ABCB1: variants seen among roughly 807,000 people sequenced by gnomAD.
The protein encoded by ABCB1 is ATP-dependent translocase ABCB1.
A neutral mutation model predicts 142.0 loss-of-function variants in ABCB1; 69 were observed. The observed-to-expected ratio is 0.49, with a 90% CI of 0.40 to 0.59. The LOEUF (loss-of-function observed/expected upper bound fraction) is 0.59, where lower values mean the gene tolerates loss of function less well. Ranked by LOEUF, ABCB1 falls within the 20% of genes least tolerant of loss-of-function variation. ABCB1 has a pLI of 0.00. For synonymous variants in ABCB1, 532 were observed against 539.2 expected, an observed-to-expected ratio of 0.99 and a Z score of 0.18; for missense variants, 1,326 against 1,554.7, an observed-to-expected ratio of 0.85 and a Z score of 2.47.
intron 1 of ABCB1, among the ~76,000 whole-genome samples, chr7:87,678,992 T>C (rs1320105638): frequency 6.6e-6 from 1 of 151,762 alleles, no homozygotes; most frequent in Non-Finnish European, 1.5e-5. Context: ...TCAACACTCC[T>C]CTCATAATAG....
chr7:87,595,855 A>G, intron 2 of ABCB1, 41 bp from the exon 3 acceptor site: 2 of 1,526,228 alleles, frequency 1.3e-6, no homozygotes, highest in Non-Finnish European at 9.1e-7. Context: ...TTTAAAAAGT[A>G]CATATTTTTT....
chr7:87,605,567 G>A (rs569224779), upstream of ABCB1, among the ~76,000 whole-genome samples: 1 of 152,268 alleles, frequency 6.6e-6, no homozygotes, highest in East Asian at 1.9e-4. Flanking sequence ...AAATTAAGAG[G>A]AGAGAAGACA....
intron 3 of ABCB1, among the ~76,000 whole-genome samples, chr7:87,588,162 T>C (rs1818841861): frequency 6.6e-6 from 1 of 152,088 alleles, no homozygotes; most frequent in African/African-American, 2.4e-5. Flanking sequence ...TTTTGTTTTT[T>C]TTTTTATTAT....
At chr7:87,646,979 G>A (rs1016207806) in intron 1 of ABCB1, among the ~76,000 whole-genome samples, 2 of 152,096 alleles carry the variant, frequency 1.3e-5, no homozygotes, top group African/African-American at 2.4e-5. Flanking sequence ...TTGAGCTCCA[G>A]TTGCTGTTGT....
upstream of ABCB1, among the ~76,000 whole-genome samples, chr7:87,604,402 T>G (rs747942862): frequency 6.6e-6 from 1 of 152,120 alleles, no homozygotes; most frequent in Non-Finnish European, 1.5e-5. Context: ...GACATATGAC[T>G]CACTTGTGTT....
intron 1 of ABCB1, among the ~76,000 whole-genome samples, chr7:87,671,908 A>G (rs1825857848): frequency 1.3e-5 from 2 of 152,140 alleles, no homozygotes; most frequent in South Asian, 4.1e-4. Context: ...GTTGGCTGGA[A>G]AACACAGGCA....
chr7:87,556,800 C>T (rs1817330659), intron 8 of ABCB1, among the ~76,000 whole-genome samples: 2 of 152,130 alleles, frequency 1.3e-5, no homozygotes, highest in African/African-American at 4.8e-5. Flanking sequence ...TCCCCTGTGC[C>T]CTTAGAATAC....
intron 1 of ABCB1, among the ~76,000 whole-genome samples, chr7:87,683,815 G>A (rs561485241): frequency 7.0e-4 from 107 of 152,308 alleles, no homozygotes; most frequent in Admixed American, 1.5e-3. Context: ...CTTGCTGGAT[G>A]CAAGGTTGAC....
In ABCB1 at chr7:87,552,153, G is replaced by GT. The variant is rs536170028; in HGVS notation, c.1000-1316dup. Among the ~76,000 whole-genome samples, 27 of 152,240 alleles carry GT rather than the reference G, an allele frequency of 1.8e-4. 1 individual carries two copies. In the South Asian group the frequency reaches 5.6e-3, roughly 32 times the overall value. On this transcript the variant is annotated intron_variant, in intron 9 of 27. Transcript: ENST00000622132. ...GTTGTCTTTTTTGCCACAAGGCCGT[G>GT]TTCTCTTTAGGCCTTTTGTTTTTTT... is the stretch of plus-strand genomic sequence containing the variant.
chr7:87,630,953 C>G (rs1373636181), intron 1 of ABCB1, among the ~76,000 whole-genome samples: 1 of 152,024 alleles, frequency 6.6e-6, no homozygotes, highest in Non-Finnish European at 1.5e-5. Flanking sequence ...GGACAGCTCT[C>G]TGTATTAGTT....
chr7:87,548,045 A>T (rs568799756), intron 14 of ABCB1, among the ~76,000 whole-genome samples: 48 of 146,688 alleles, frequency 3.3e-4, no homozygotes, highest in South Asian at 1.1e-3. Context: ...TAAGATAAGA[A>T]AAGAAAAGAC....
chr7:87,561,927 C>T (rs181152988), intron 7 of ABCB1, among the ~76,000 whole-genome samples: 82 of 152,194 alleles, frequency 5.4e-4, no homozygotes, highest in African/African-American at 1.9e-3. Context: ...ACGAGGCTGC[C>T]GTGAGCAGTG....
At chr7:87,603,367 C>T (rs981467309), upstream of ABCB1, among the ~76,000 whole-genome samples, 8 of 152,242 alleles carry the variant, frequency 5.3e-5, no homozygotes, top group Admixed American at 1.3e-4. Context: ...CCAGTAGTCC[C>T]TCTCTCATAA....
intron 1 of ABCB1, among the ~76,000 whole-genome samples, chr7:87,667,682 T>A (rs191253509): frequency 6.6e-6 from 1 of 152,112 alleles, no homozygotes; most frequent in Non-Finnish European, 1.5e-5. Context: ...TCACTGAGAG[T>A]TTTTAACATG....
upstream of ABCB1, among the ~76,000 whole-genome samples, chr7:87,604,166 T>G (rs913586193): frequency 1.4e-4 from 21 of 152,192 alleles, no homozygotes; most frequent in African/African-American, 5.1e-4. Flanking sequence ...GGTTTTTAAT[T>G]CTTTTGGATG....
intron 1 of ABCB1, among the ~76,000 whole-genome samples, chr7:87,609,311 T>G (rs1819766808): frequency 6.6e-6 from 1 of 152,182 alleles, no homozygotes; most frequent in South Asian, 2.1e-4. Context: ...ATACTAATAA[T>G]TTTAAGGTTA....
In ABCB1 at chr7:87,684,746, C is replaced by CAAAAAA. The variant is rs71524694; in HGVS notation, c.-331+28409_-331+28414dup. Among the ~76,000 whole-genome samples the CAAAAAA allele has an allele frequency of 1.0e-3, 39 of 37,790 alleles. 1 individual carries two copies. Among genetic ancestry groups the CAAAAAA allele is most frequent in the East Asian group, 1.7e-3 (2 of 1,186 alleles). The allele number at this position is 37,790 out of a possible 152,430, so 24.8% of individuals were successfully genotyped here. A position where few individuals can be genotyped will look rare whatever the true frequency, so the allele number is the denominator to read the frequency against. On this transcript the variant is annotated intron_variant, in intron 1 of 28. Coordinates refer to the ABCB1 transcript ENST00000265724. ...CTGGTGACAGAGTGAGACTCCGTCT[C>CAAAAAA]AAAAAAAAAAAAAAAAAAAAAAAAA...
At chr7:87,508,447 G>A (rs1345178187) in intron 26 of ABCB1, among the ~76,000 whole-genome samples, 1 of 152,116 alleles carries the variant, frequency 6.6e-6, no homozygotes, top group Admixed American at 6.6e-5. Flanking sequence ...CAAGTATTTT[G>A]GACAAGGAAT....
intron 2 of ABCB1, among the ~76,000 whole-genome samples, chr7:87,597,063 T>C (rs912512958): frequency 5.3e-5 from 8 of 152,096 alleles, no homozygotes; most frequent in African/African-American, 1.4e-4. Context: ...TTTGTTCTTT[T>C]AGAGACGTAG....
Sources: allele counts gnomAD v4.1 joint callset (sites outside exome capture counted in the v4.1 genomes callset), GRCh38; gene constraint gnomAD v4.1.1; transcripts MANE v1.5; gene names NCBI Gene and HGNC (gene_info 2026-07-23, HGNC 2026-07-21).